The following GTPBP4 variants were observed in gnomAD, a reference collection of about 807,000 sequenced individuals.
GTPBP4 encodes the protein GTP binding protein 4.
In GTPBP4, 15 loss-of-function variants were observed where a neutral mutation model predicts 81.7. That is an observed-to-expected ratio of 0.18 (90% CI 0.12 to 0.28). The LOEUF (loss-of-function observed/expected upper bound fraction) is 0.28. GTPBP4 is among the 10% of genes least tolerant of loss of function. The pLI is 1.00. For synonymous variants in GTPBP4, 272 were observed against 274.6 expected, an observed-to-expected ratio of 0.99 and a Z score of 0.09; for missense variants, 847 against 793.8, an observed-to-expected ratio of 1.07 and a Z score of -0.81.
intron 16 of GTPBP4, among the ~76,000 whole-genome samples, chr10:1,016,722 C>A (rs1412219119): frequency 6.6e-6 from 1 of 152,186 alleles, no homozygotes; most frequent in Non-Finnish European, 1.5e-5. Flanking sequence ...GATTTTCATC[C>A]AGTCTTTATA....
intron 8 of GTPBP4, 55 bp downstream of exon 8, chr10:1,001,068 C>A: frequency 8.2e-7 from 1 of 1,226,260 alleles, no homozygotes; most frequent in Non-Finnish European, 1.2e-6. Context: ...GAATTCTCAT[C>A]TCAGACAACC....
rs753752140 is a variant in GTPBP4 at position 1,000,703 on chromosome 10, C to T, written c.681C>T (p.Asp227=). 5.0e-5 allele frequency: 77 copies of T among 1,545,574 alleles called. No homozygotes were observed. Among genetic ancestry groups the T allele is most frequent in the Middle Eastern group, 1.7e-4 (1 of 5,762 alleles). The change falls in exon 7 of 17, where the codon GAC becomes GAT. Residue 227 remains aspartate (D), a synonymous_variant. Coordinates refer to ENST00000360803, the MANE Select transcript of GTPBP4 (RefSeq NM_012341.3). The stretch of plus-strand genomic sequence containing the variant: ...TTGTAGACACTCCTGGGATCCTGGA[C>T]CACCCTCTGGAGGATAGGAACACCA... ...WQVVDTPGIL[D]HPLEDRNTIE...
At chr10:1,015,322 C>T (rs1831956400) in intron 15 of GTPBP4, among the ~76,000 whole-genome samples, 1 of 152,250 alleles carries the variant, frequency 6.6e-6, no homozygotes, top group Admixed American at 6.5e-5. Context: ...CTCCTCCCCT[C>T]TTGCTGGAGT....
intron 6 of GTPBP4, 98 bp from the exon 7 acceptor site, chr10:1,000,579 T>G: frequency 1.9e-6 from 1 of 539,934 alleles, no homozygotes; most frequent in Non-Finnish European, 3.0e-6. Flanking sequence ...TGTAAGATTA[T>G]TAGGTCTGGT....
intron 8 of GTPBP4, among the ~76,000 whole-genome samples, chr10:1,002,533 T>C (rs1480114544): frequency 6.6e-6 from 1 of 152,244 alleles, no homozygotes; most frequent in Non-Finnish European, 1.5e-5. Context: ...GTTTTCATGA[T>C]AGTGATTATT....
chr10:999,350 A>T (rs1427577109), intron 6 of GTPBP4, among the ~76,000 whole-genome samples: 1 of 152,044 alleles, frequency 6.6e-6, no homozygotes, highest in Non-Finnish European at 1.5e-5. Context: ...TGAACTCCTG[A>T]CTTCAGGTGA....
In GTPBP4 at chr10:997,231, C is replaced by G; in HGVS notation, c.484C>G (p.Pro162Ala). 1.2e-6 allele frequency: 2 copies of G among 1,602,038 alleles called. No individual in the cohort carries two copies. Among genetic ancestry groups the G allele is most frequent in the Non-Finnish European group, 1.7e-6 (2 of 1,168,982 alleles). The change falls in exon 5 of 17, where the codon CCA (proline) becomes GCA (alanine). Residue 162 changes from proline (P) to alanine (A), a missense_variant. Transcript: ENST00000360803. ...EQVRQHLSRL[P>A]TIDPNTRTLL... ...AGTGCGTCAGCATTTATCCCGTTTG[C>G]CAACCATTGATCCGAATACCAGGAC...
rs1191674509 is a variant in GTPBP4, at chr10:1,019,660, C to G, written c.*2433C>G. 1 of 1,614,016 alleles carries G rather than the reference C, an allele frequency of 6.2e-7. No homozygotes were observed. Among genetic ancestry groups the G allele is most frequent in the Non-Finnish European group, 8.5e-7 (1 of 1,180,016 alleles). On this transcript the variant is annotated 3_prime_UTR_variant, in exon 17 of 17. Coordinates refer to ENST00000360803, the MANE Select transcript of GTPBP4 (RefSeq NM_012341.3). ...CCCCTCGCCTCCCTCTCCAGCAGCT[C>G]CCACAGCTCCTCCTGGGACAGGTAG...
chr10:1,006,998 C>T lies in GTPBP4; in HGVS notation c.1003-20C>T. On this transcript the variant is annotated intron_variant, in intron 9 of 16. Coordinates refer to ENST00000360803, the MANE Select transcript of GTPBP4 (RefSeq NM_012341.3). ...CTGGAGGATGCGTTTGTGACTGTGC[C>T]TTCTTTTTTACGTTATTAGGCTTGC... 1.3e-6 allele frequency: 2 copies of T among 1,505,264 alleles called. No individual in the cohort carries two copies. The highest frequency in any genetic ancestry group is 1.9e-6 in the Non-Finnish European group (2 of 1,080,902). The allele number at this position is 1,505,264 out of a possible 1,614,324, so 93.2% of individuals were successfully genotyped here.
At chr10:995,691 C>T (rs1280358557) in intron 2 of GTPBP4, among the ~76,000 whole-genome samples, 2 of 152,114 alleles carry the variant, frequency 1.3e-5, no homozygotes, top group Admixed American at 6.6e-5. Flanking sequence ...TGCTGGGTCC[C>T]ACAGCTCTAC....
Position 1,017,165 on chromosome 10 carries a change from G to C in GTPBP4, c.1843G>C (p.Asp615His), listed in dbSNP as rs1165462719. 2 of 1,613,924 alleles carry C rather than the reference G, an allele frequency of 1.2e-6. No individual in the cohort carries two copies. The highest frequency in any genetic ancestry group is 1.3e-5 in the African/African-American group (1 of 74,924). ...AGGGGAGGCGGATAGACACGTGTTT[G>C]ATATGAAGCCCAAGCACTTGCTGTC... is the stretch of plus-strand genomic sequence containing the variant. The part of the protein sequence containing the change: ...KKGEADRHVF[D>H]MKPKHLLSGK... The change falls in exon 17 of 17, where the codon GAT becomes CAT. Residue 615 changes from aspartate (D) to histidine (H), a missense_variant. Transcript: ENST00000360803.
rs750260777 is a variant in GTPBP4, at chr10:1,019,659, T to TC, written c.*2435dup. 1.2e-5 allele frequency: 20 copies of TC among 1,613,918 alleles called. No homozygotes were observed. The South Asian group carries it at 2.2e-4, about 18-fold the overall frequency. On this transcript the variant is annotated 3_prime_UTR_variant, in exon 17 of 17. Coordinates refer to ENST00000360803, the MANE Select transcript of GTPBP4 (RefSeq NM_012341.3). The stretch of plus-strand genomic sequence containing the variant: ...ACCCCTCGCCTCCCTCTCCAGCAGC[T>TC]CCCACAGCTCCTCCTGGGACAGGTA...
In GTPBP4 at chr10:1,014,287, G is replaced by T; in HGVS notation, c.1583G>T (p.Gly528Val). ...TVLEKEMRSL[G>V]VDMDDKDDAH... is the part of the protein sequence containing the mutation. Reference sequence around the variant, plus strand: ...TTGGAGAAGGAGATGCGTAGTCTTGGTGTTGACATGGACGATAAAGACGAT... The same window carrying T: ...TTGGAGAAGGAGATGCGTAGTCTTGTTGTTGACATGGACGATAAAGACGAT... The change falls in exon 15 of 17, where the codon GGT becomes GTT. Residue 528 changes from glycine (G) to valine (V), a missense_variant. This residue lies in a region of GTPBP4 where 600 missense variants were observed against 557.1 expected (regional missense o/e 1.08). Transcript: ENST00000360803. 6.2e-7 allele frequency: 1 copy of T among 1,609,380 alleles called. No individual in the cohort carries two copies. The highest frequency in any genetic ancestry group is 8.5e-7 in the Non-Finnish European group (1 of 1,175,936).
At position 994,934 on chromosome 10, in the gene GTPBP4, A is replaced by G. The variant is rs111302150; in HGVS notation, c.220-995A>G. Among the ~76,000 whole-genome samples the G allele has an allele frequency of 3.1e-3, 465 of 152,298 alleles. 2 individuals carry two copies. Among genetic ancestry groups the G allele is most frequent in the African/African-American group, 0.01 (418 of 41,560 alleles). ...AAGATAGTAAATAGCATGTCAGATG[A>G]ATGCAGTGAAGCCATGGAAGGGAGT... On this transcript the variant is annotated intron_variant, in intron 2 of 16. Coordinates refer to ENST00000360803, the MANE Select transcript of GTPBP4 (RefSeq NM_012341.3).
chr10:1,000,838 C>G lies in GTPBP4; in HGVS notation c.816C>G (p.Phe272Leu), dbSNP rs758248691. Residue 272 changes from phenylalanine to leucine, a missense_variant, in exon 7 of 17, where the codon TTC (phenylalanine) becomes TTG (leucine). Around this residue, in one of 3 missense-constraint regions of GTPBP4, gnomAD observed 600 missense variants for 557.1 expected, o/e 1.08. Transcript: ENST00000360803. Reference protein sequence around the residue: ...GHGLREQLELFQNIRPLFINK... With the variant: ...GHGLREQLELLQNIRPLFINK... ...GGCTGAGGGAGCAGCTAGAACTCTT[C>G]CAGAACATCAGACCTCTCTTCATCA... is the stretch of plus-strand genomic sequence containing the variant. The G allele has an allele frequency of 1.5e-5, 24 of 1,610,310 alleles. No individual in the cohort carries two copies. Among genetic ancestry groups the G allele is most frequent in the Non-Finnish European group, 1.5e-5 (18 of 1,177,838 alleles).
Position 988,569 on chromosome 10 carries a change from C to T in GTPBP4, c.48+42C>T, listed in dbSNP as rs1376566332. 10 of 1,495,254 alleles carry T rather than the reference C, an allele frequency of 6.7e-6. No individual in the cohort carries two copies. The African/African-American group carries it at 8.2e-5, about 12-fold the overall frequency. 92.6% of individuals were successfully genotyped at this position (1,495,254 alleles called of 1,614,324 possible). ...GGGCCACTGCAACTTTCGCGTTCTC[C>T]TCAGCTGGGTCCCCGGGGAGGGTCC... On this transcript the variant is annotated intron_variant, in intron 1 of 16. Coordinates refer to ENST00000360803, the MANE Select transcript of GTPBP4 (RefSeq NM_012341.3).
Position 1,000,877 on chromosome 10 carries a change from G to A in GTPBP4, c.846+9G>A. On this transcript the variant is annotated intron_variant, in intron 7 of 16. Coordinates refer to ENST00000360803, the MANE Select transcript of GTPBP4 (RefSeq NM_012341.3). ...CTCTCTTCATCAACAAGGTGTGTGT[G>A]GTCACTCATGTTTTGCTTCATATCC... 1 of 1,611,510 alleles carries A rather than the reference G, an allele frequency of 6.2e-7. No homozygotes were observed. The highest frequency in any genetic ancestry group is 8.5e-7 in the Non-Finnish European group (1 of 1,177,996).
intron 1 of GTPBP4, among the ~76,000 whole-genome samples, chr10:991,160 A>G (rs1457302243): frequency 3.3e-5 from 5 of 152,176 alleles, no homozygotes; most frequent in African/African-American, 1.2e-4. Flanking sequence ...TCATAGTACA[A>G]TACTTGGCAG....
At position 1,007,075 on chromosome 10, in the gene GTPBP4, A is replaced by C. The variant is rs1351853017; in HGVS notation, c.1060A>C (p.Asn354His). 2 of 1,613,112 alleles carry C rather than the reference A, an allele frequency of 1.2e-6. No individual in the cohort carries two copies. Among genetic ancestry groups the C allele is most frequent in the South Asian group, 2.2e-5 (2 of 91,070 alleles). The change falls in exon 10 of 17, where the codon AAT becomes CAT. Residue 354 changes from asparagine to histidine, a missense_variant. This residue lies in a region of GTPBP4 where 600 missense variants were observed against 557.1 expected (regional missense o/e 1.08). Coordinates refer to ENST00000360803, the MANE Select transcript of GTPBP4 (RefSeq NM_012341.3). Reference protein sequence around the residue: ...VETKMKGNKVNEVLNRLHLAI... With the variant: ...VETKMKGNKVHEVLNRLHLAI... ...AACCAAAATGAAGGGAAATAAAGTG[A>C]ATGAGGTGCTGAATAGACTGCACCT... is the stretch of plus-strand genomic sequence containing the variant.
Sources: allele counts gnomAD v4.1 joint callset (sites outside exome capture counted in the v4.1 genomes callset), GRCh38; gene constraint gnomAD v4.1.1; regional missense constraint gnomAD v4.1.1; transcripts MANE v1.5; gene names NCBI Gene and HGNC (gene_info 2026-07-23, HGNC 2026-07-21).